The following ZNF550 variants were observed in gnomAD, a reference collection of about 807,000 sequenced individuals.
ZNF550 encodes zinc finger protein 550.
In ZNF550, 42 loss-of-function variants were observed where a neutral mutation model predicts 40.2. That is an observed-to-expected ratio of 1.05 (90% confidence interval 0.82 to 1.35). The LOEUF is 1.35. Among genes scored for constraint, ZNF550 ranks in the 40% most tolerant of loss-of-function variants. The pLI, the probability that ZNF550 is intolerant of heterozygous loss-of-function variation, is 0.00. For synonymous variants in ZNF550, 223 were observed against 198.6 expected (o/e 1.12, Z -1.03); for missense variants, 549 against 525.2 (o/e 1.05, Z -0.44).
At chr19:57,543,728 G>C in intron 4 of ZNF550, 1 of 624,108 alleles carries the variant, frequency 1.6e-6, no homozygotes, top group Non-Finnish European at 2.0e-6. Context: ...ATGAGGTCAA[G>C]AGTTCAAGAC....
chr19:57,558,651 C>T (rs1599901144), intron 1 of ZNF550, among the ~76,000 whole-genome samples: 1 of 152,270 alleles, frequency 6.6e-6, no homozygotes, highest in East Asian at 1.9e-4. Flanking sequence ...ACCAAAGAGA[C>T]TCTGGTCAGC....
intron 2 of ZNF550, 119 bp downstream of exon 2, chr19:57,556,112 C>A: frequency 3.0e-6 from 4 of 1,337,498 alleles, no homozygotes; most frequent in Non-Finnish European, 4.3e-6. Context: ...GGAGACCAGT[C>A]AGGAAGAGGT....
At chr19:57,556,511 G>T in intron 1 of ZNF550, 154 bp from the exon 2 acceptor site, 2 of 875,638 alleles carry the variant, frequency 2.3e-6, no homozygotes, top group Non-Finnish European at 3.5e-6. Flanking sequence ...CAAAGGGGAG[G>T]CAGATACTGC....
exon 4 of ZNF550, chr19:57,546,987 C>T (rs369718343): frequency 1.3e-4 from 208 of 1,610,772 alleles, no homozygotes; most frequent in South Asian, 3.8e-4. Flanking sequence ...ATGTATGGAC[C>T]CTTTGGTGCT....
intron 3 of ZNF550, among the ~76,000 whole-genome samples, chr19:57,548,837 T>A (rs923995845): frequency 6.6e-6 from 1 of 152,176 alleles, no homozygotes; most frequent in Non-Finnish European, 1.5e-5. Flanking sequence ...TAAGGGTCCA[T>A]CAACAATGAA....
chr19:57,548,097 T>C (rs2090040721), intron 3 of ZNF550, 104 bp from the exon 4 acceptor site: 1 of 1,041,718 alleles, frequency 9.6e-7, no homozygotes, highest in Admixed American at 2.4e-5. Flanking sequence ...ATAGTGCCTA[T>C]GATACTTGCT....
chr19:57,546,035 A>G (rs1057317850), intron 4 of ZNF550, among the ~76,000 whole-genome samples: 5 of 151,558 alleles, frequency 3.3e-5, no homozygotes, highest in African/African-American at 7.2e-5. Context: ...GAGTTTATTA[A>G]TAAAAATCAA....
rs142366176 is a variant in ZNF550 at position 57,551,474 on chromosome 19, G to A, written c.250+1153C>T. 9.2e-3 allele frequency among the ~76,000 whole-genome samples: 1,302 copies of A among 141,672 alleles called. 21 individuals carry two copies. The highest frequency in any genetic ancestry group is 0.049 in the South Asian group (229 of 4,690). 92.9% of individuals were successfully genotyped at this position (141,672 alleles called of 152,430 possible). On this transcript the variant is annotated intron_variant, in intron 3 of 4. Coordinates refer to ENST00000457177, the Ensembl canonical transcript of ZNF550. Reference sequence around the variant, plus strand: ...GAAGCAGTGGAAGTGATGGACTTAGGAGATATGGATCATTTAAAATGAGCA... The same window carrying A: ...GAAGCAGTGGAAGTGATGGACTTAGAAGATATGGATCATTTAAAATGAGCA...
chr19:57,559,663 G>T, exon 1 of ZNF550: 1 of 1,507,798 alleles, frequency 6.6e-7, no homozygotes, highest in Non-Finnish European at 8.9e-7. Flanking sequence ...CACCTGCGCT[G>T]CGTCCTTCGT....
exon 1 of ZNF550, chr19:57,559,721 C>T: frequency 6.9e-7 from 1 of 1,449,280 alleles, no homozygotes. Context: ...GGGCAGCTCC[C>T]ACGGGCTCAA....
At chr19:57,548,210 CAG>C (rs1045673421) in intron 3 of ZNF550, among the ~76,000 whole-genome samples, 1 of 152,044 alleles carries the variant, frequency 6.6e-6, no homozygotes, top group African/African-American at 2.4e-5. Flanking sequence ...GACCGGGGGA[CAG>C]AGGATCCGGA....
At chr19:57,558,483 T>C (rs1019070410) in intron 1 of ZNF550, among the ~76,000 whole-genome samples, 5 of 152,158 alleles carry the variant, frequency 3.3e-5, no homozygotes, top group African/African-American at 1.2e-4. Flanking sequence ...GTACAATAAA[T>C]GTACTTAAGC....
At chr19:57,547,584 T>A (rs1265205458) in exon 4 of ZNF550, 1 of 1,614,058 alleles carries the variant, frequency 6.2e-7, no homozygotes, top group East Asian at 2.2e-5. Context: ...CCCTCTGATG[T>A]CGAACGAGAT....
In ZNF550 at chr19:57,547,375, C is replaced by CT; in HGVS notation, c.868dup (p.Ser290LysfsTer17). On this transcript the variant is annotated frameshift_variant, in exon 4 of 5. Coordinates refer to ENST00000457177, the Ensembl canonical transcript of ZNF550. LOFTEE classifies it high-confidence loss of function. ...GTGGGTGAAGGCCTTTCGACATTGA[C>CT]TACACTCATAGGGTTTCTCTCCAGT... 6.2e-7 allele frequency: 1 copy of CT among 1,611,980 alleles called. No homozygotes were observed. Among genetic ancestry groups the CT allele is most frequent in the South Asian group, 1.1e-5 (1 of 90,946 alleles).
intron 3 of ZNF550, among the ~76,000 whole-genome samples, chr19:57,551,705 AC>A (rs1178353782): frequency 6.6e-6 from 1 of 152,220 alleles, no homozygotes; most frequent in Non-Finnish European, 1.5e-5. Flanking sequence ...TATTTGGAAC[AC>A]AGGGTTGCAG....
exon 2 of ZNF550, chr19:57,556,326 G>A (rs769272206): frequency 6.2e-7 from 1 of 1,614,034 alleles, no homozygotes; most frequent in Non-Finnish European, 8.5e-7. Context: ...CCGGGTAAAG[G>A]TCACAGCCAC....
At chr19:57,547,783 T>G in exon 4 of ZNF550, 2 of 1,614,178 alleles carry the variant, frequency 1.2e-6, no homozygotes, top group Non-Finnish European at 1.7e-6. Flanking sequence ...AAGGCTCACT[T>G]TCCCAAGATG....
At chr19:57,550,228 G>A (rs1053341416) in intron 3 of ZNF550, among the ~76,000 whole-genome samples, 1 of 152,152 alleles carries the variant, frequency 6.6e-6, no homozygotes, top group Non-Finnish European at 1.5e-5. Context: ...GTGGGGATGG[G>A]AAATGGTGCG....
intron 3 of ZNF550, 114 bp downstream of exon 3, chr19:57,552,513 C>G (rs1199685330): frequency 1.3e-6 from 1 of 783,974 alleles, no homozygotes; most frequent in East Asian, 2.7e-5. Context: ...CAGAAACAAC[C>G]AGGCCCCCGG....
Sources: allele counts gnomAD v4.1 joint callset (sites outside exome capture counted in the v4.1 genomes callset), GRCh38; gene constraint gnomAD v4.1.1; transcripts MANE v1.5; gene names NCBI Gene and HGNC (gene_info 2026-07-23, HGNC 2026-07-21).